DSCAML1: variants seen among roughly 807,000 people sequenced by gnomAD.
DSCAML1 encodes the protein cell adhesion molecule DSCAML1.
Under a neutral mutation model 200.5 loss-of-function variants are expected in DSCAML1, and 38 were observed. The ratio of observed to expected loss-of-function variants is 0.19; its 90% CI spans 0.15 to 0.25. The LOEUF is 0.25. Among genes scored for constraint, DSCAML1 ranks in the 10% least tolerant of loss-of-function variants. DSCAML1 has a pLI of 1.00. For synonymous variants in DSCAML1, 1,215 were observed against 1,165.0 expected, an observed-to-expected ratio of 1.04 and a Z score of -0.87; for missense variants, 2,223 against 2,858.8, an observed-to-expected ratio of 0.78 and a Z score of 5.07.
intron 1 of DSCAML1, among the ~76,000 whole-genome samples, chr11:117,796,704 A>G (rs549848533): frequency 7.2e-5 from 11 of 152,304 alleles, no homozygotes; most frequent in African/African-American, 2.6e-4. Context: ...AGTGCCACCA[A>G]GCCGCAGGAA....
At chr11:117,490,702 A>C (rs1032338958) in intron 11 of DSCAML1, among the ~76,000 whole-genome samples, 1 of 152,270 alleles carries the variant, frequency 6.6e-6, no homozygotes, top group African/African-American at 2.4e-5. Context: ...GTAAGGTCAC[A>C]CAGCTGGTGA....
At chr11:117,775,957 G>A (rs2134044433) in intron 3 of DSCAML1, among the ~76,000 whole-genome samples, 1 of 152,288 alleles carries the variant, frequency 6.6e-6, no homozygotes, top group South Asian at 2.1e-4. Flanking sequence ...CCAATTTACA[G>A]CATGGGAAAC....
At position 117,695,959 on chromosome 11, in the gene DSCAML1, C is replaced by T. The variant is rs77054358; in HGVS notation, c.511+80832G>A. Among the ~76,000 whole-genome samples, 1,402 of 152,244 alleles carry T rather than the reference C, an allele frequency of 9.2e-3. 10 individuals carry two copies. The highest frequency in any genetic ancestry group is 0.016 in the Non-Finnish European group (1,065 of 68,020). ...CATGTAATAGCAGCTCAATAAATGT[C>T]AGCAAAGACAAATTTGGAGGTTTAG... On this transcript the variant is annotated intron_variant, in intron 3 of 32. Coordinates refer to ENST00000651296, the MANE Select transcript of DSCAML1 (RefSeq NM_020693.4).
chr11:117,687,703 T>C (rs1200363830), intron 3 of DSCAML1, among the ~76,000 whole-genome samples: 1 of 152,142 alleles, frequency 6.6e-6, no homozygotes, highest in Non-Finnish European at 1.5e-5. Context: ...TAGCATTCTG[T>C]TTGAAAAGTG....
chr11:117,794,387 G>T (rs1195627077), intron 1 of DSCAML1, among the ~76,000 whole-genome samples: 1 of 152,054 alleles, frequency 6.6e-6, no homozygotes, highest in Non-Finnish European at 1.5e-5. Context: ...CTCGATAACC[G>T]ATGATTAAAA....
chr11:117,780,304 G>GAGAGAA lies in DSCAML1; in HGVS notation c.364+183_364+188dup, dbSNP rs2055228648. 1.0e-5 allele frequency among the ~76,000 whole-genome samples: 1 copy of GAGAGAA among 98,360 alleles called. No homozygotes were observed. The highest frequency in any genetic ancestry group is 2.2e-5 in the Non-Finnish European group (1 of 45,044). The allele number at this position is 98,360 out of a possible 152,430, so 64.5% of individuals were successfully genotyped here. On this transcript the variant is annotated intron_variant, in intron 2 of 32. Coordinates refer to ENST00000651296, the MANE Select transcript of DSCAML1 (RefSeq NM_020693.4). The surrounding 1 kb of genome is among the most constrained non-coding windows in gnomAD (Gnocchi z 4.8). ...AGAAAGAAAGAAAGAAAGAAAGAAA[G>GAGAGAA]AGAGAAAGGAGAAAGAAAGGTGTCT... is the stretch of plus-strand genomic sequence containing the variant.
At chr11:117,439,165 G>T in intron 23 of DSCAML1, 101 bp downstream of exon 23, 1 of 1,498,706 alleles carries the variant, frequency 6.7e-7, no homozygotes. Context: ...TCTCTCCCTT[G>T]GTTTGGCTTC....
At chr11:117,628,411 C>T (rs1393796731) in intron 3 of DSCAML1, among the ~76,000 whole-genome samples, 3 of 152,218 alleles carry the variant, frequency 2.0e-5, no homozygotes, top group Admixed American at 6.5e-5. Context: ...CTTCCCTGCC[C>T]GACCTCCTCG....
chr11:117,582,661 G>A (rs890414286), intron 3 of DSCAML1, among the ~76,000 whole-genome samples: 3 of 152,206 alleles, frequency 2.0e-5, no homozygotes, highest in African/African-American at 4.8e-5. Flanking sequence ...GTGCCAGGCT[G>A]TAAGGGAGAG....
At chr11:117,453,894 C>T (rs964915595) in intron 19 of DSCAML1, among the ~76,000 whole-genome samples, 1 of 152,044 alleles carries the variant, frequency 6.6e-6, no homozygotes, top group African/African-American at 2.4e-5. Context: ...AGGCACCTGC[C>T]ACTGCACCTG....
At chr11:117,727,022 G>A (rs536255484) in intron 3 of DSCAML1, among the ~76,000 whole-genome samples, 1 of 152,228 alleles carries the variant, frequency 6.6e-6, no homozygotes, top group South Asian at 2.1e-4. Context: ...TGTACTGTGT[G>A]CCAGATAGTA....
chr11:117,712,250 A>G lies in DSCAML1; in HGVS notation c.511+64541T>C, dbSNP rs574608607. Among the ~76,000 whole-genome samples, 4 of 152,294 alleles carry G rather than the reference A, an allele frequency of 2.6e-5. No homozygotes were observed. The East Asian group carries it at 7.7e-4, about 29-fold the overall frequency. On this transcript the variant is annotated intron_variant, in intron 3 of 32. Transcript: ENST00000651296. ...TCTCCACTCCCTTCATCCCCTGAAG[A>G]AGAAATCACTCTTCCTGAAACCCAA...
chr11:117,736,252 C>T (rs1348347908), intron 3 of DSCAML1, among the ~76,000 whole-genome samples: 1 of 152,172 alleles, frequency 6.6e-6, no homozygotes, highest in Non-Finnish European at 1.5e-5. Context: ...AATTTGCGTC[C>T]AGCTTACTCA....
chr11:117,439,184 G>C, intron 23 of DSCAML1, 82 bp downstream of exon 23: 4 of 1,550,006 alleles, frequency 2.6e-6, no homozygotes, highest in South Asian at 2.4e-5. Flanking sequence ...TCTTCCATTC[G>C]ATGACCCTCT....
At chr11:117,760,826 G>A (rs1378962316) in intron 3 of DSCAML1, among the ~76,000 whole-genome samples, 14 of 152,136 alleles carry the variant, frequency 9.2e-5, no homozygotes, top group African/African-American at 2.9e-4. Context: ...GGACCAATCT[G>A]GAAGGGACCT....
chr11:117,718,174 G>T (rs1046582794), intron 3 of DSCAML1, among the ~76,000 whole-genome samples: 1 of 152,232 alleles, frequency 6.6e-6, no homozygotes, highest in Non-Finnish European at 1.5e-5. Flanking sequence ...GGTCAGTGGG[G>T]CATTGCCGCG....
At chr11:117,565,357 A>T (rs1255985793) in intron 3 of DSCAML1, among the ~76,000 whole-genome samples, 1 of 152,218 alleles carries the variant, frequency 6.6e-6, no homozygotes, top group African/African-American at 2.4e-5. Context: ...ATTCTGAAAT[A>T]TACAATGGAT....
intron 20 of DSCAML1, among the ~76,000 whole-genome samples, chr11:117,447,232 G>C (rs530987824): frequency 6.6e-6 from 1 of 152,154 alleles, no homozygotes; most frequent in Non-Finnish European, 1.5e-5. Flanking sequence ...AGGATACAGC[G>C]AGCTGAGATG....
chr11:117,428,261 A>G lies in DSCAML1; in HGVS notation c.*67T>C. The G allele has an allele frequency of 1.1e-6, 1 of 920,158 alleles. No individual in the cohort carries two copies. 57.0% of individuals were successfully genotyped at this position (920,158 alleles called of 1,614,324 possible). ...AGTTGAATATAAATAATGCAGAAAA[A>G]CAGCCGAGCTGGCGTGTGGGGCTGC... On this transcript the variant is annotated 3_prime_UTR_variant, in exon 33 of 33. Coordinates refer to ENST00000651296, the MANE Select transcript of DSCAML1 (RefSeq NM_020693.4).
Sources: allele counts gnomAD v4.1 joint callset (sites outside exome capture counted in the v4.1 genomes callset), GRCh38; gene constraint gnomAD v4.1.1; non-coding constraint Gnocchi (gnomAD v3.1); transcripts MANE v1.5; gene names NCBI Gene and HGNC (gene_info 2026-07-23, HGNC 2026-07-21).